Variants in GLT8D2 observed in about 807,000 individuals in gnomAD.
The protein encoded by GLT8D2 is glycosyltransferase 8 domain-containing protein 2.
Under a neutral mutation model 44.5 loss-of-function variants are expected in GLT8D2, and 45 were observed. The observed-to-expected ratio is 1.01, with a 90% CI of 0.80 to 1.30. GLT8D2 has a LOEUF of 1.30. Ranked by LOEUF, GLT8D2 falls within the 50% of genes most tolerant of loss-of-function variation. The pLI, the probability that GLT8D2 is intolerant of heterozygous loss-of-function variation, is 0.00. For missense variants in GLT8D2, 400 were observed against 430.4 expected (o/e 0.93, Z 0.62); for synonymous variants, 156 against 157.2 (o/e 0.99, Z 0.06).
chr12:104,056,922 A>G (rs1005461279), intron 1 of GLT8D2, among the ~76,000 whole-genome samples: 4 of 152,246 alleles, frequency 2.6e-5, no homozygotes, highest in Admixed American at 2.6e-4. Context: ...AACATTGTAA[A>G]AAATGGACGA....
intron 1 of GLT8D2, among the ~76,000 whole-genome samples, chr12:104,039,371 G>A (rs932380111): frequency 2.6e-5 from 4 of 152,064 alleles, no homozygotes; most frequent in African/African-American, 9.7e-5. Flanking sequence ...CTACACAATG[G>A]GAGAAAATTT....
chr12:104,034,991 C>T (rs1245084687), intron 1 of GLT8D2, among the ~76,000 whole-genome samples: 1 of 152,230 alleles, frequency 6.6e-6, no homozygotes, highest in Non-Finnish European at 1.5e-5. Context: ...ATTTGCTGTT[C>T]TGCAGCCTCC....
chr12:103,999,349 A>C (rs1413465497), intron 6 of GLT8D2, 48 bp downstream of exon 6: 1 of 1,029,522 alleles, frequency 9.7e-7, no homozygotes, highest in Non-Finnish European at 1.5e-6. Flanking sequence ...TTACTGAACA[A>C]AGGTCTCACC....
chr12:104,047,551 C>G (rs1305725533), intron 1 of GLT8D2, among the ~76,000 whole-genome samples: 1 of 152,138 alleles, frequency 6.6e-6, no homozygotes, highest in African/African-American at 2.4e-5. Context: ...AGTGATCCAC[C>G]TGCCTCAGCC....
At chr12:104,052,857 A>G (rs896331335), upstream of GLT8D2, among the ~76,000 whole-genome samples, 14 of 152,108 alleles carry the variant, frequency 9.2e-5, no homozygotes, top group African/African-American at 3.4e-4. Flanking sequence ...CCTCCCGAGT[A>G]GCTGGGACTG....
upstream of GLT8D2, among the ~76,000 whole-genome samples, chr12:104,052,991 G>T (rs114559635): frequency 3.1e-3 from 465 of 152,258 alleles, no homozygotes; most frequent in African/African-American, 0.011. Context: ...AGGTTCAGGG[G>T]CAGCACAATA....
At chr12:104,016,046 C>T (rs1876539355) in intron 3 of GLT8D2, among the ~76,000 whole-genome samples, 1 of 152,164 alleles carries the variant, frequency 6.6e-6, no homozygotes, top group African/African-American at 2.4e-5. Context: ...TTGAGTTCTT[C>T]CTTTCCAATT....
At chr12:104,000,109 A>T (rs17805003) in intron 5 of GLT8D2, among the ~76,000 whole-genome samples, 45,657 of 151,974 alleles carry the variant, frequency 0.3, 7,639 homozygotes, top group Non-Finnish European at 0.36. Flanking sequence ...GGTTCTTGGT[A>T]GAAATAATCT....
intron 8 of GLT8D2, among the ~76,000 whole-genome samples, chr12:103,995,818 G>A (rs1873343620): frequency 6.6e-6 from 1 of 152,112 alleles, no homozygotes; most frequent in African/African-American, 2.4e-5. Flanking sequence ...CAGGAGTCAT[G>A]GAAATACTTG....
chr12:103,992,656 C>T (rs1203425282), intron 10 of GLT8D2, among the ~76,000 whole-genome samples: 1 of 151,996 alleles, frequency 6.6e-6, no homozygotes, highest in Non-Finnish European at 1.5e-5. Context: ...CCATGCCCAG[C>T]GAATTTTTAT....
chr12:104,019,563 C>T, intron 3 of GLT8D2, 67 bp downstream of exon 3: 1 of 1,253,362 alleles, frequency 8.0e-7, no homozygotes, highest in African/African-American at 1.5e-5. Flanking sequence ...AAGAGCCAAG[C>T]CCCAGCCTCA....
intron 1 of GLT8D2, among the ~76,000 whole-genome samples, chr12:104,060,775 T>C (rs1882579333): frequency 6.6e-6 from 1 of 151,930 alleles, no homozygotes; most frequent in African/African-American, 2.4e-5. Context: ...ATTTAAAAAC[T>C]AGCCAGGCAT....
chr12:104,014,330 G>C, intron 4 of GLT8D2: 1 of 695,384 alleles, frequency 1.4e-6, no homozygotes, highest in East Asian at 2.7e-5. Flanking sequence ...ATTTGAGCTG[G>C]GGCAACAGAG....
At chr12:104,030,259 T>C (rs1470225084) in intron 1 of GLT8D2, among the ~76,000 whole-genome samples, 1 of 152,162 alleles carries the variant, frequency 6.6e-6, no homozygotes, top group Non-Finnish European at 1.5e-5. Context: ...GGGGAAAGGA[T>C]AGTCTCTTTA....
intron 6 of GLT8D2, among the ~76,000 whole-genome samples, chr12:103,997,818 A>T (rs1873655490): frequency 6.7e-6 from 1 of 150,024 alleles, no homozygotes; most frequent in African/African-American, 2.5e-5. Context: ...CTGTAGTGGG[A>T]GTCACAGAGG....
chr12:104,058,410 G>C (rs1882362312), intron 1 of GLT8D2, among the ~76,000 whole-genome samples: 1 of 152,168 alleles, frequency 6.6e-6, no homozygotes, highest in African/African-American at 2.4e-5. Context: ...TCATATTTGA[G>C]TTCTCGGATA....
chr12:104,055,733 AG>A (rs1231955789), intron 1 of GLT8D2, among the ~76,000 whole-genome samples: 1 of 152,228 alleles, frequency 6.6e-6, no homozygotes, highest in East Asian at 1.9e-4. Flanking sequence ...CTTTTAGATA[AG>A]GTCCTAGATA....
chr12:104,061,758 C>G (rs1300404796), intron 1 of GLT8D2, among the ~76,000 whole-genome samples: 1 of 152,002 alleles, frequency 6.6e-6, no homozygotes. Context: ...GGGCAGATCA[C>G]CTGAGGTTGG....
At chr12:104,052,000 T>TA (rs1235870551), upstream of GLT8D2, among the ~76,000 whole-genome samples, 6 of 146,874 alleles carry the variant, frequency 4.1e-5, no homozygotes, top group Non-Finnish European at 9.2e-5. Flanking sequence ...ATGTTATCAA[T>TA]AAAAAAATAG....
Sources: gnomAD v4.1 joint callset for allele counts (sites outside exome capture counted in the v4.1 genomes callset) on GRCh38, gnomAD v4.1.1 for gene constraint, MANE v1.5 for transcripts, NCBI Gene and HGNC (gene_info 2026-07-23, HGNC 2026-07-21) for gene names.